Variants in HDAC4 observed in about 807,000 individuals in gnomAD.
The protein encoded by HDAC4 is histone deacetylase A.
In HDAC4, 16 loss-of-function variants were observed where a neutral mutation model predicts 135.1. That is an observed-to-expected ratio of 0.12 (90% CI 0.08 to 0.18). The LOEUF is 0.18. Among genes scored for constraint, HDAC4 ranks in the 10% least tolerant of loss-of-function variants. The pLI is 1.00. For missense variants in HDAC4, 1,143 were observed against 1,511.8 expected, an observed-to-expected ratio of 0.76 and a Z score of 4.05; for synonymous variants, 685 against 653.4, an observed-to-expected ratio of 1.05 and a Z score of -0.74.
chr2:239,222,534 C>CAAAAAAAA (rs10716644), intron 3 of HDAC4, among the ~76,000 whole-genome samples: 3 of 112,282 alleles, frequency 2.7e-5, no homozygotes, highest in Non-Finnish European at 5.3e-5. Context: ...TACCCCATAC[C>CAAAAAAAA]AAAAAAAAAA....
intron 4 of HDAC4, among the ~76,000 whole-genome samples, chr2:239,188,622 G>A (rs187714600): frequency 7.2e-5 from 11 of 152,350 alleles, no homozygotes; most frequent in South Asian, 2.1e-4. Flanking sequence ...CGTGTGGCTC[G>A]AAATGCGGCT....
chr2:239,312,931 G>A (rs1481924654), intron 2 of HDAC4, among the ~76,000 whole-genome samples: 3 of 152,220 alleles, frequency 2.0e-5, no homozygotes, highest in South Asian at 2.1e-4. Flanking sequence ...GCACTGTGGG[G>A]GCGGCCGGCC....
At chr2:239,061,486 GGTGCACGTGT>G (rs999225384) in intron 24 of HDAC4, among the ~76,000 whole-genome samples, 7 of 151,046 alleles carry the variant, frequency 4.6e-5, no homozygotes, top group East Asian at 2.0e-4. Context: ...TGCATGAGAG[GGTGCACGTGT>G]GTGCACGTGT....
At chr2:239,228,720 AAGAGGTAATATGCCTTC>A in intron 3 of HDAC4, among the ~76,000 whole-genome samples, 1 of 152,120 alleles carries the variant, frequency 6.6e-6, no homozygotes, top group Non-Finnish European at 1.5e-5. Flanking sequence ...TGAAATTCTT[AAGAGGTAATATGCCTTC>A]AGCCATCGAA....
chr2:239,173,450 A>C (rs2043574592), intron 5 of HDAC4, among the ~76,000 whole-genome samples: 2 of 152,222 alleles, frequency 1.3e-5, no homozygotes, highest in African/African-American at 4.8e-5. Flanking sequence ...GACAAAAATC[A>C]ATATCCATTC....
intron 4 of HDAC4, among the ~76,000 whole-genome samples, chr2:239,179,848 T>C (rs534575542): frequency 6.6e-6 from 1 of 152,344 alleles, no homozygotes; most frequent in African/African-American, 2.4e-5. Context: ...AGCCTTCTGC[T>C]ACAGGGCTCG....
At chr2:239,169,394 C>G (rs2043310997) in intron 5 of HDAC4, among the ~76,000 whole-genome samples, 1 of 152,246 alleles carries the variant, frequency 6.6e-6, no homozygotes, top group African/African-American at 2.4e-5. Flanking sequence ...CAGCACAGGC[C>G]AGACAAGTCA....
intron 20 of HDAC4, among the ~76,000 whole-genome samples, chr2:239,083,367 C>T (rs2035545214): frequency 6.6e-6 from 1 of 152,204 alleles, no homozygotes; most frequent in African/African-American, 2.4e-5. Context: ...TGTGGGGGAC[C>T]CGCTGCTCTG....
intron 2 of HDAC4, among the ~76,000 whole-genome samples, chr2:239,292,932 C>T (rs193096035): frequency 6.6e-6 from 1 of 152,252 alleles, no homozygotes; most frequent in East Asian, 1.9e-4. Context: ...AGAACATTTC[C>T]GATTTGAAGT....
At chr2:239,286,993 G>C (rs2125451065) in intron 2 of HDAC4, among the ~76,000 whole-genome samples, 1 of 152,320 alleles carries the variant, frequency 6.6e-6, no homozygotes, top group East Asian at 1.9e-4. Context: ...ACCCCAGCAG[G>C]AGAGTGTCTG....
rs1028406189 is a variant in HDAC4, at chr2:239,052,944, G to C, written c.*153C>G. On this transcript the variant is annotated 3_prime_UTR_variant, in exon 27 of 27. Transcript: ENST00000543185. ...GTCTCGAGACCTGTGGGCCTGGGCG[G>C]CAGAAAGGCTTCCCGTGGCTGTTGC... 48 of 855,668 alleles carry C rather than the reference G, an allele frequency of 5.6e-5. No homozygotes were observed. Among genetic ancestry groups the C allele is most frequent in the Non-Finnish European group, 9.1e-5 (46 of 506,006 alleles). The allele number at this position is 855,668 out of a possible 1,614,324, so 53.0% of individuals were successfully genotyped here.
intron 2 of HDAC4, among the ~76,000 whole-genome samples, chr2:239,286,396 T>C (rs2051138263): frequency 2.6e-5 from 4 of 152,186 alleles, no homozygotes; most frequent in Admixed American, 2.6e-4. Flanking sequence ...GCAGAGGGAA[T>C]CAAAATACAA....
At chr2:239,195,059 G>A (rs1177421683) in intron 3 of HDAC4, among the ~76,000 whole-genome samples, 1 of 152,212 alleles carries the variant, frequency 6.6e-6, no homozygotes, top group African/African-American at 2.4e-5. Flanking sequence ...TGGACTCACT[G>A]GCACAGTGCA....
chr2:239,342,329 C>T (rs1692344724), intron 2 of HDAC4, among the ~76,000 whole-genome samples: 1 of 151,650 alleles, frequency 6.6e-6, no homozygotes, highest in Non-Finnish European at 1.5e-5. Context: ...TGAATACAAA[C>T]TCAAAGAGCT....
intron 2 of HDAC4, among the ~76,000 whole-genome samples, chr2:239,238,989 A>G (rs2048036853): frequency 2.0e-5 from 3 of 152,342 alleles, no homozygotes; most frequent in Admixed American, 6.5e-5. Context: ...CGATAACAGC[A>G]TGTGGATTCC....
intron 1 of HDAC4, among the ~76,000 whole-genome samples, chr2:239,395,573 A>G (rs1344772845): frequency 6.6e-6 from 1 of 152,360 alleles, no homozygotes; most frequent in Admixed American, 6.5e-5. Flanking sequence ...ACGCTTACCA[A>G]AAGAATCTCT....
intron 17 of HDAC4, chr2:239,094,328 C>T (rs2152735755): frequency 1.0e-6 from 1 of 985,464 alleles, no homozygotes; most frequent in African/African-American, 1.7e-5. Context: ...AGACCTGACC[C>T]TTCCTGTGTG....
chr2:239,349,931 G>A lies in HDAC4; in HGVS notation c.22+2747C>T, dbSNP rs544414771. ...ACCCACTGAGAGAGAGAATGGAGAG[G>A]TCGTGGGTGGCAATAAGGCGCACAC... On this transcript the variant is annotated intron_variant, in intron 2 of 26. Coordinates refer to ENST00000543185, the MANE Select transcript of HDAC4 (RefSeq NM_001378414.1). This position sits in a 1 kb window ranked among gnomAD's most constrained non-coding sequence, Gnocchi z 5.7. Among the ~76,000 whole-genome samples the A allele has an allele frequency of 7.9e-5, 12 of 152,328 alleles. No homozygotes were observed. Among genetic ancestry groups the A allele is most frequent in the African/African-American group, 2.9e-4 (12 of 41,590 alleles).
chr2:239,244,449 C>T (rs1285146743), intron 2 of HDAC4, among the ~76,000 whole-genome samples: 1 of 152,116 alleles, frequency 6.6e-6, no homozygotes, highest in East Asian at 1.9e-4. Context: ...CTTCCCTCCA[C>T]ACGGCGTGTG....
Sources: allele counts gnomAD v4.1 joint callset (sites outside exome capture counted in the v4.1 genomes callset), GRCh38; gene constraint gnomAD v4.1.1; non-coding constraint Gnocchi (gnomAD v3.1); transcripts MANE v1.5; gene names NCBI Gene and HGNC (gene_info 2026-07-23, HGNC 2026-07-21).